The following PRSS37 variants were observed in gnomAD, a reference collection of about 807,000 sequenced individuals.
The protein encoded by PRSS37 is serine protease 37.
A neutral mutation model predicts 28.0 loss-of-function variants in PRSS37; 25 were observed. The observed-to-expected ratio is 0.89, with a 90% CI of 0.65 to 1.25. The LOEUF is 1.25. PRSS37 is among the 50% of genes most tolerant of loss of function. The pLI is 0.00. For missense variants in PRSS37, 282 were observed against 292.2 expected, an observed-to-expected ratio of 0.97 and a Z score of 0.25; for synonymous variants, 109 against 107.8, an observed-to-expected ratio of 1.01 and a Z score of -0.07.
At chr7:141,837,564 G>C (rs916949247) in intron 3 of PRSS37, 26 of 1,501,082 alleles carry the variant, frequency 1.7e-5, no homozygotes, top group Admixed American at 4.0e-5. Flanking sequence ...ACCACACCTT[G>C]TTCATGTGAA....
At position 141,837,706 on chromosome 7, in the gene PRSS37, G is replaced by A. The variant is rs115070016; in HGVS notation, c.430+154C>T. 7.2e-4 allele frequency: 1,097 copies of A among 1,533,510 alleles called. 7 individuals carry two copies. The African/African-American group carries it at 0.013, about 18-fold the overall frequency. The allele number at this position is 1,533,510 out of a possible 1,614,324, so 95.0% of individuals were successfully genotyped here. ...GGGAAAGGAGGAGCTTTGTTCCTCT[G>A]GGCAGGTCTCTGTTTGCCAGACCAC... On this transcript the variant is annotated intron_variant, in intron 3 of 4. Coordinates refer to ENST00000350549, the MANE Select transcript of PRSS37 (RefSeq NM_001008270.3).
chr7:141,836,898 T>C (rs985995165), intron 4 of PRSS37, among the ~76,000 whole-genome samples: 52 of 152,198 alleles, frequency 3.4e-4, no homozygotes, highest in African/African-American at 1.2e-3. Context: ...ACCTAGGAAA[T>C]GGTGTGCTTA....
At chr7:141,836,978 A>G (rs563379287) in intron 4 of PRSS37, 134 bp downstream of exon 4, 403 of 902,882 alleles carry the variant, frequency 4.5e-4, no homozygotes, top group Non-Finnish European at 6.6e-4. Context: ...CTGAAGAAAC[A>G]ATGCTGGCTT....
chr7:141,837,276 A>G, intron 3 of PRSS37, 28 bp from the exon 4 acceptor site: 1 of 1,574,882 alleles, frequency 6.3e-7, no homozygotes. Flanking sequence ...AAAATAAAAC[A>G]TCCTGTTGAC....
Position 141,841,008 on chromosome 7 carries a change from G to GTACA in PRSS37, c.34+4_34+7dup, listed in dbSNP as rs775437858. 2 of 1,613,410 alleles carry GTACA rather than the reference G, an allele frequency of 1.2e-6. No individual in the cohort carries two copies. Among genetic ancestry groups the GTACA allele is most frequent in the South Asian group, 2.2e-5 (2 of 91,076 alleles). ...TACAGGACAGAGTACAAGGTCTTGA[G>GTACA]TACATACCAGCGAGGACACCCAAAT... On this transcript the variant is annotated splice_region_variant and intron_variant, in intron 1 of 4. Coordinates refer to ENST00000350549, the MANE Select transcript of PRSS37 (RefSeq NM_001008270.3).
At chr7:141,838,895 T>C in intron 2 of PRSS37, 1 of 432,410 alleles carries the variant, frequency 2.3e-6, no homozygotes, top group South Asian at 1.7e-5. Context: ...GTCCCTTTAA[T>C]GTCTCCATAC....
At chr7:141,836,765 T>C (rs1384466071) in intron 4 of PRSS37, among the ~76,000 whole-genome samples, 4 of 152,220 alleles carry the variant, frequency 2.6e-5, no homozygotes, top group East Asian at 1.9e-4. Context: ...AGAAATCACA[T>C]GTAAAATGGG....
At chr7:141,836,753 C>G (rs1800971512) in intron 4 of PRSS37, among the ~76,000 whole-genome samples, 1 of 152,176 alleles carries the variant, frequency 6.6e-6, no homozygotes, top group African/African-American at 2.4e-5. Context: ...GACAGTCTCT[C>G]TAGAAATCAC....
chr7:141,840,613 A>C (rs761177238), intron 1 of PRSS37, among the ~76,000 whole-genome samples: 43 of 152,256 alleles, frequency 2.8e-4, no homozygotes, highest in Non-Finnish European at 4.7e-4. Flanking sequence ...CTAATGTGTG[A>C]TACAACCTAG....
intron 2 of PRSS37, 197 bp from the exon 3 acceptor site, chr7:141,838,310 C>T: frequency 7.0e-7 from 1 of 1,427,762 alleles, no homozygotes; most frequent in Non-Finnish European, 9.2e-7. Context: ...AGGAGTAATT[C>T]ACTCAGGGTG....
At chr7:141,838,458 G>C in intron 2 of PRSS37, 1 of 1,168,814 alleles carries the variant, frequency 8.6e-7, no homozygotes, top group Non-Finnish European at 1.1e-6. Flanking sequence ...GTGGAGACCA[G>C]AGAATAAATA....
At chr7:141,837,418 G>A in intron 3 of PRSS37, 170 bp from the exon 4 acceptor site, 1 of 1,082,612 alleles carries the variant, frequency 9.2e-7, no homozygotes. Context: ...TAATCTTGAG[G>A]ATTTTGAAAA....
In PRSS37 at chr7:141,836,461, G is replaced by A. The variant is rs146774956; in HGVS notation, c.642C>T (p.Asp214=). ...GIEVGHFMGG[D]VGIYTNVYKY... ...TGTAAACATTGGTGTAGATGCCGAC[G>A]TCCCCTCCCATGAAGTGCCCCACCT... is the stretch of plus-strand genomic sequence containing the variant. Residue 214 remains aspartate, a synonymous_variant, in exon 5 of 5, where the codon GAC becomes GAT. Coordinates refer to ENST00000350549, the MANE Select transcript of PRSS37 (RefSeq NM_001008270.3). 5.7e-4 allele frequency: 927 copies of A among 1,613,948 alleles called. 4 individuals carry two copies. In the African/African-American group the frequency reaches 0.011, roughly 19 times the overall value.
intron 4 of PRSS37, 37 bp from the exon 5 acceptor site, chr7:141,836,572 AG>A: frequency 6.3e-7 from 1 of 1,598,174 alleles, no homozygotes; most frequent in Non-Finnish European, 8.5e-7. Context: ...AGAGAGAGAG[AG>A]TAAGAGTGTC....
rs772599932 is a variant in PRSS37, at chr7:141,836,575, A to T, written c.568-40T>A. The T allele has an allele frequency of 2.6e-6, 4 of 1,523,576 alleles. No homozygotes were observed. The Admixed American group carries it at 6.9e-5, about 26-fold the overall frequency. The allele number at this position is 1,523,576 out of a possible 1,614,324, so 94.4% of individuals were successfully genotyped here. ...GCAGAGAGAGAGAGAGAGAGAGAGT[A>T]AGAGTGTCAGATCTTCTCACAGGAA... On this transcript the variant is annotated intron_variant, in intron 4 of 4. Transcript: ENST00000350549.
chr7:141,840,373 T>C (rs1309949736), intron 1 of PRSS37, among the ~76,000 whole-genome samples: 1 of 152,204 alleles, frequency 6.6e-6, no homozygotes, highest in African/African-American at 2.4e-5. Flanking sequence ...ACTGGGTCTG[T>C]ACCTCACCAC....
intron 4 of PRSS37, among the ~76,000 whole-genome samples, chr7:141,836,870 G>T (rs1309547389): frequency 2.6e-5 from 4 of 152,138 alleles, no homozygotes; most frequent in Non-Finnish European, 5.9e-5. Context: ...AATTTTGCTT[G>T]TAGTTATAAG....
chr7:141,837,513 G>A, intron 3 of PRSS37: 1 of 1,385,622 alleles, frequency 7.2e-7, no homozygotes, highest in South Asian at 1.3e-5. Flanking sequence ...AATTCTCAGA[G>A]GTGTCCTTTA....
At chr7:141,838,875 T>G (rs950078793) in intron 2 of PRSS37, 5 of 422,616 alleles carry the variant, frequency 1.2e-5, no homozygotes, top group African/African-American at 1.0e-4. Flanking sequence ...ATGGAACTAT[T>G]CTTAATATTG....
Sources: gnomAD v4.1 joint callset for allele counts (sites outside exome capture counted in the v4.1 genomes callset) on GRCh38, gnomAD v4.1.1 for gene constraint, MANE v1.5 for transcripts, NCBI Gene and HGNC (gene_info 2026-07-23, HGNC 2026-07-21) for gene names.